The following RAB2A variants were observed in gnomAD, a reference collection of about 807,000 sequenced individuals.
The protein encoded by RAB2A is RAB2A, member RAS oncogene family, also known as ras-related protein Rab-2A.
RAB2A carries 7 observed loss-of-function variants against 32.5 expected under a neutral mutation model. The observed-to-expected ratio is 0.22, with a 90% CI of 0.12 to 0.40. The LOEUF (loss-of-function observed/expected upper bound fraction) is 0.40. RAB2A is among the 10% of genes least tolerant of loss of function. The pLI, the probability that RAB2A is intolerant of heterozygous loss-of-function variation, is 1.00. For synonymous variants in RAB2A, 79 were observed against 85.2 expected, an observed-to-expected ratio of 0.93 and a Z score of 0.40; for missense variants, 108 against 260.7, an observed-to-expected ratio of 0.41 and a Z score of 4.03.
chr8:60,584,128 C>A (rs1803810168), intron 3 of RAB2A, 80 bp from the exon 4 acceptor site: 1 of 1,171,324 alleles, frequency 8.5e-7, no homozygotes, highest in South Asian at 1.2e-5. Flanking sequence ...CCTACCTGCT[C>A]TTATTCTGTA....
chr8:60,574,965 C>T (rs746440995), intron 3 of RAB2A, among the ~76,000 whole-genome samples: 2 of 152,092 alleles, frequency 1.3e-5, no homozygotes, highest in Non-Finnish European at 2.9e-5. Context: ...ACATGGAGAG[C>T]TCCCAGACCC....
At chr8:60,559,088 A>C in intron 2 of RAB2A, 165 bp downstream of exon 2, 1 of 554,076 alleles carries the variant, frequency 1.8e-6, no homozygotes, top group Non-Finnish European at 3.2e-6. Context: ...TGTAGTAAAA[A>C]TAAATATTAC....
chr8:60,559,317 A>G (rs749614986), intron 2 of RAB2A: 39 of 198,780 alleles, frequency 2.0e-4, no homozygotes, highest in Non-Finnish European at 3.6e-4. Context: ...TTTCTGTTCA[A>G]TGAGAGTAGT....
intron 6 of RAB2A, among the ~76,000 whole-genome samples, chr8:60,598,903 CAT>C (rs1174825166): frequency 1.9e-5 from 2 of 104,178 alleles, no homozygotes; most frequent in Non-Finnish European, 3.5e-5. Flanking sequence ...CATTAATCAA[CAT>C]ATTGATGGAA....
At chr8:60,583,787 C>T (rs1803804053) in intron 3 of RAB2A, among the ~76,000 whole-genome samples, 1 of 152,190 alleles carries the variant, frequency 6.6e-6, no homozygotes, top group South Asian at 2.1e-4. Flanking sequence ...GTGTCAACAG[C>T]TGCCCCAGGG....
At chr8:60,605,146 G>A (rs1804204348) in intron 6 of RAB2A, among the ~76,000 whole-genome samples, 1 of 152,146 alleles carries the variant, frequency 6.6e-6, no homozygotes, top group South Asian at 2.1e-4. Context: ...AGCTCAAAGG[G>A]GCCCAGGAAG....
At chr8:60,591,290 G>GTC (rs892105163) in intron 5 of RAB2A, among the ~76,000 whole-genome samples, 25 of 149,390 alleles carry the variant, frequency 1.7e-4, no homozygotes, top group Non-Finnish European at 3.1e-4. Flanking sequence ...CTCCTTTTCT[G>GTC]TCTCTCTCTA....
intron 1 of RAB2A, 127 bp downstream of exon 1, chr8:60,517,380 C>T (rs1383792335): frequency 2.2e-6 from 2 of 922,464 alleles, no homozygotes; most frequent in African/African-American, 3.6e-5. Context: ...CGCGCCGCTC[C>T]ATTTCCGCAG....
In RAB2A at chr8:60,596,853, G is replaced by A. The variant is rs192005068; in HGVS notation, c.474+4884G>A. Among the ~76,000 whole-genome samples, 19 of 152,182 alleles carry A rather than the reference G, an allele frequency of 1.2e-4. No individual in the cohort carries two copies. The East Asian group carries it at 2.3e-3, about 19-fold the overall frequency. ...GGAGAATGGCATGAACCCAGGAGGC[G>A]GAGCTTGCAGTGAGCCAAGATCACA... On this transcript the variant is annotated intron_variant, in intron 6 of 7. Coordinates refer to ENST00000262646, the MANE Select transcript of RAB2A (RefSeq NM_002865.3).
chr8:60,542,121 GGT>G (rs758403348), intron 1 of RAB2A, among the ~76,000 whole-genome samples: 3 of 152,280 alleles, frequency 2.0e-5, no homozygotes, highest in East Asian at 3.9e-4. Flanking sequence ...TGTAAAGAGA[GGT>G]GTGTCTTATG....
intron 3 of RAB2A, 99 bp from the exon 4 acceptor site, chr8:60,584,109 C>A: frequency 1.1e-6 from 1 of 943,818 alleles, no homozygotes; most frequent in Non-Finnish European, 1.7e-6. Context: ...TCTCTTTATG[C>A]ACTCCTTCCC....
intron 5 of RAB2A, 42 bp from the exon 6 acceptor site, chr8:60,591,816 C>T (rs770106859): frequency 5.3e-5 from 67 of 1,263,508 alleles, no homozygotes; most frequent in Non-Finnish European, 7.5e-5. Context: ...TCTGTTTGTA[C>T]CATGTTGATT....
intron 3 of RAB2A, among the ~76,000 whole-genome samples, chr8:60,577,350 G>A (rs2130844100): frequency 6.6e-6 from 1 of 152,158 alleles, no homozygotes; most frequent in Non-Finnish European, 1.5e-5. Flanking sequence ...GCCCAGCTAA[G>A]CCTTTTTTCC....
intron 1 of RAB2A, among the ~76,000 whole-genome samples, chr8:60,537,117 A>G (rs1451482462): frequency 6.6e-6 from 1 of 152,234 alleles, no homozygotes; most frequent in African/African-American, 2.4e-5. Flanking sequence ...GCCACAGTAT[A>G]AGGTATATTT....
intron 6 of RAB2A, chr8:60,592,170 A>G: frequency 5.6e-6 from 2 of 360,306 alleles, no homozygotes; most frequent in Non-Finnish European, 1.0e-5. Flanking sequence ...TAAAGCCTGA[A>G]TGTTTTCTTA....
chr8:60,592,716 C>G (rs1319105), intron 6 of RAB2A, among the ~76,000 whole-genome samples: 81,110 of 151,864 alleles, frequency 0.53, 24,535 homozygotes, highest in African/African-American at 0.83. Flanking sequence ...CTTTTATGCT[C>G]TATGTGTTTG....
At chr8:60,577,719 G>T (rs1316715336) in intron 3 of RAB2A, among the ~76,000 whole-genome samples, 1 of 151,664 alleles carries the variant, frequency 6.6e-6, no homozygotes, top group African/African-American at 2.4e-5. Flanking sequence ...CGCCTGCCGG[G>T]TTCACGCCAC....
chr8:60,540,564 C>T (rs1341091546), intron 1 of RAB2A, among the ~76,000 whole-genome samples: 1 of 152,236 alleles, frequency 6.6e-6, no homozygotes, highest in Admixed American at 6.5e-5. Context: ...ACTGCAACTT[C>T]TGCCTCACAG....
At chr8:60,563,822 T>C (rs1322618805) in intron 2 of RAB2A, among the ~76,000 whole-genome samples, 1 of 152,234 alleles carries the variant, frequency 6.6e-6, no homozygotes, top group African/African-American at 2.4e-5. Flanking sequence ...CTTGTGTTGC[T>C]ACTTTCCTCC....
Sources: allele counts gnomAD v4.1 joint callset (sites outside exome capture counted in the v4.1 genomes callset), GRCh38; gene constraint gnomAD v4.1.1; transcripts MANE v1.5; gene names NCBI Gene and HGNC (gene_info 2026-07-23, HGNC 2026-07-21).